UBAP1: variants seen among roughly 807,000 people sequenced by gnomAD.
UBAP1 encodes the protein ubiquitin associated protein 1, also known as ubiquitin-associated protein 1.
UBAP1 carries 5 observed loss-of-function variants against 39.0 expected under a neutral mutation model. The observed-to-expected ratio is 0.13, with a 90% CI of 0.07 to 0.27. UBAP1 has a LOEUF of 0.27. Among genes scored for constraint, UBAP1 ranks in the 10% least tolerant of loss-of-function variants. UBAP1 has a pLI of 1.00. For missense variants in UBAP1, 490 were observed against 608.1 expected (o/e 0.81, Z 2.04); for synonymous variants, 211 against 225.1 (o/e 0.94, Z 0.56).
At chr9:34,179,296 G>A in intron 1 of UBAP1, 56 bp downstream of exon 1, 1 of 735,372 alleles carries the variant, frequency 1.4e-6, no homozygotes, top group Admixed American at 5.0e-5. Context: ...GGGGGAGGGG[G>A]GCTGGTACTG....
chr9:34,215,644 A>G (rs956897362), intron 1 of UBAP1, among the ~76,000 whole-genome samples: 3 of 152,062 alleles, frequency 2.0e-5, no homozygotes, highest in Non-Finnish European at 4.4e-5. Flanking sequence ...GAACTTATGT[A>G]ACTGAATACC....
At chr9:34,204,605 T>G (rs1831584030) in intron 1 of UBAP1, among the ~76,000 whole-genome samples, 1 of 152,142 alleles carries the variant, frequency 6.6e-6, no homozygotes, top group Non-Finnish European at 1.5e-5. Context: ...CTATCTCTAG[T>G]CCTTTAATTC....
chr9:34,242,126 CCCG>C lies in UBAP1; in HGVS notation c.1083+22_1083+24del. On this transcript the variant is annotated intron_variant, in intron 4 of 6. Coordinates refer to ENST00000297661, the MANE Select transcript of UBAP1 (RefSeq NM_016525.5). ...GTCCCACGGTAAGTCTTTTAAATCC[CCCG>C]CCGACTCCCATATTTTCCTGATGAC... 1 of 1,550,768 alleles carries C rather than the reference CCCG, an allele frequency of 6.4e-7. No homozygotes were observed. The highest frequency in any genetic ancestry group is 8.7e-7 in the Non-Finnish European group (1 of 1,144,962).
At chr9:34,221,931 A>G (rs1205510670) in intron 2 of UBAP1, among the ~76,000 whole-genome samples, 1 of 152,130 alleles carries the variant, frequency 6.6e-6, no homozygotes, top group Non-Finnish European at 1.5e-5. Context: ...AAGTAACACA[A>G]TTATTTTAAG....
Position 34,237,168 on chromosome 9 carries a change from GTTAC to G in UBAP1, c.159+2838_159+2841del, listed in dbSNP as rs1391341888. On this transcript the variant is annotated intron_variant, in intron 3 of 6. Coordinates refer to ENST00000297661, the MANE Select transcript of UBAP1 (RefSeq NM_016525.5). ...CCTTGAAAGCAACAAATAGCCCTGT[GTTAC>G]TTACTTACTGCAGTACACATTTACT... 1.3e-3 allele frequency among the ~76,000 whole-genome samples: 199 copies of G among 152,266 alleles called. 2 individuals carry two copies. The highest frequency in any genetic ancestry group is 1.0e-4 in the Non-Finnish European group (7 of 68,016).
chr9:34,242,040 C>A lies in UBAP1; in HGVS notation c.1015C>A (p.Gln339Lys). The A allele has an allele frequency of 6.2e-7, 1 of 1,614,182 alleles. No individual in the cohort carries two copies. Among genetic ancestry groups the A allele is most frequent in the Non-Finnish European group, 8.5e-7 (1 of 1,179,996 alleles). Residue 339 changes from glutamine (Q) to lysine (K), a missense_variant, in exon 4 of 7, where the codon CAG (glutamine) becomes AAG (lysine). By Grantham distance (53) the Gln-to-Lys change is moderately conservative. Transcript: ENST00000297661. The stretch of plus-strand genomic sequence containing the variant: ...AGAGATGCCAGCCCTGACATCCTCC[C>A]AGATGCCTTCCCTCTCTGTTTTGTC... The part of the protein sequence containing the change: ...GTEMPALTSS[Q>K]MPSLSVLSVC...
At chr9:34,189,189 CTT>C (rs779162347) in intron 1 of UBAP1, among the ~76,000 whole-genome samples, 35 of 138,686 alleles carry the variant, frequency 2.5e-4, no homozygotes, top group Admixed American at 4.4e-4. Flanking sequence ...ATCATTATAT[CTT>C]TTTTTTTTTT....
intron 4 of UBAP1, among the ~76,000 whole-genome samples, chr9:34,245,922 C>T (rs1334703780): frequency 6.0e-5 from 9 of 151,030 alleles, no homozygotes; most frequent in African/African-American, 7.3e-5. Context: ...TTTGGGAGGC[C>T]GAGGTGGGAG....
intron 3 of UBAP1, among the ~76,000 whole-genome samples, chr9:34,238,130 G>C (rs887920729): frequency 3.3e-5 from 5 of 152,068 alleles, no homozygotes; most frequent in African/African-American, 1.2e-4. Flanking sequence ...CTTGGTGACT[G>C]GCTTATTCAC....
chr9:34,185,404 C>T (rs1322762648), intron 1 of UBAP1, among the ~76,000 whole-genome samples: 3 of 152,130 alleles, frequency 2.0e-5, no homozygotes, highest in Non-Finnish European at 4.4e-5. Context: ...GAAAAATTAG[C>T]TGGGATTGGT....
intron 2 of UBAP1, among the ~76,000 whole-genome samples, chr9:34,226,776 A>G (rs1340497669): frequency 6.6e-6 from 1 of 151,890 alleles, no homozygotes; most frequent in Non-Finnish European, 1.5e-5. Flanking sequence ...TTTTGACCTA[A>G]CTTCAAGTCC....
At position 34,251,492 on chromosome 9, in the gene UBAP1, A is replaced by C; in HGVS notation, c.1469A>C (p.Asn490Thr). ...VLLLHNNDQD[N>T]ALEDLMARAG... is the part of the protein sequence containing the mutation. ...CTATTACACAACAATGACCAGGACA[A>C]TGCTTTGGAAGACCTCATGGCTCGG... Residue 490 changes from asparagine (N) to threonine (T), a missense_variant, in exon 7 of 7, where the codon AAT (asparagine) becomes ACT (threonine). By Grantham distance (65) the Asn-to-Thr change is moderately conservative. Coordinates refer to ENST00000297661, the MANE Select transcript of UBAP1 (RefSeq NM_016525.5). 6.2e-7 allele frequency: 1 copy of C among 1,614,202 alleles called. No individual in the cohort carries two copies. Among genetic ancestry groups the C allele is most frequent in the Non-Finnish European group, 8.5e-7 (1 of 1,180,038 alleles).
chr9:34,206,797 G>T (rs1385376542), intron 1 of UBAP1, among the ~76,000 whole-genome samples: 1 of 151,828 alleles, frequency 6.6e-6, no homozygotes, highest in East Asian at 1.9e-4. Flanking sequence ...GCAAGCATCG[G>T]ATTCTGCTTT....
intron 4 of UBAP1, among the ~76,000 whole-genome samples, chr9:34,242,380 TC>T (rs1232101298): frequency 1.3e-5 from 2 of 152,198 alleles, no homozygotes; most frequent in East Asian, 3.9e-4. Context: ...ACTCCTGACT[TC>T]AAGTTATCTG....
At chr9:34,193,032 C>T (rs895616215) in intron 1 of UBAP1, among the ~76,000 whole-genome samples, 1 of 152,196 alleles carries the variant, frequency 6.6e-6, no homozygotes, top group Non-Finnish European at 1.5e-5. Context: ...GAGGGCCAGG[C>T]GCAGTGGCCC....
intron 1 of UBAP1, among the ~76,000 whole-genome samples, chr9:34,205,475 G>T (rs1831633347): frequency 6.6e-6 from 1 of 152,080 alleles, no homozygotes; most frequent in Admixed American, 6.6e-5. Context: ...ATATTGTTTT[G>T]TCTAGTTGTA....
chr9:34,250,409 G>A (rs891012674), intron 5 of UBAP1, among the ~76,000 whole-genome samples: 3 of 152,170 alleles, frequency 2.0e-5, no homozygotes, highest in Admixed American at 6.5e-5. Context: ...TCTGGTGGGC[G>A]TGTCAGCTGT....
chr9:34,222,836 A>G (rs993095402), intron 2 of UBAP1, among the ~76,000 whole-genome samples: 3 of 152,114 alleles, frequency 2.0e-5, no homozygotes, highest in African/African-American at 7.2e-5. Flanking sequence ...TGAGCTTAAG[A>G]AAAGAAAAAG....
At chr9:34,212,423 A>T (rs986980611) in intron 1 of UBAP1, among the ~76,000 whole-genome samples, 9 of 142,904 alleles carry the variant, frequency 6.3e-5, no homozygotes, top group Admixed American at 1.4e-4. Context: ...ACACACACAC[A>T]CACTTATAGT....
Sources: gnomAD v4.1 joint callset for allele counts (sites outside exome capture counted in the v4.1 genomes callset) on GRCh38, gnomAD v4.1.1 for gene constraint, MANE v1.5 for transcripts, NCBI Gene and HGNC (gene_info 2026-07-23, HGNC 2026-07-21) for gene names.